GRIK2: variants seen among roughly 807,000 people sequenced by gnomAD.
GRIK2 encodes glutamate receptor ionotropic, kainate 2.
GRIK2 carries 32 observed loss-of-function variants against 100.3 expected under a neutral mutation model. The observed-to-expected ratio is 0.32, with a 90% CI of 0.24 to 0.43. The LOEUF (loss-of-function observed/expected upper bound fraction) is 0.43, where lower values mean the gene tolerates loss of function less well. Ranked by LOEUF, GRIK2 falls within the 20% of genes least tolerant of loss-of-function variation. GRIK2 has a pLI of 1.00. For synonymous variants in GRIK2, 417 were observed against 389.4 expected (o/e 1.07, Z -0.83); for missense variants, 843 against 1,114.9 (o/e 0.76, Z 3.47).
At chr6:101,826,242 G>A (rs1297832323) in intron 10 of GRIK2, among the ~76,000 whole-genome samples, 3 of 152,048 alleles carry the variant, frequency 2.0e-5, no homozygotes, top group Non-Finnish European at 4.4e-5. Flanking sequence ...TACTGAATGG[G>A]TGATTATTTT....
At chr6:101,951,263 A>G (rs1048450764) in intron 14 of GRIK2, among the ~76,000 whole-genome samples, 5 of 152,150 alleles carry the variant, frequency 3.3e-5, no homozygotes, top group Non-Finnish European at 7.4e-5. Flanking sequence ...TGTATTTTCT[A>G]TTTTCTTTAA....
intron 2 of GRIK2, among the ~76,000 whole-genome samples, chr6:101,533,788 A>C (rs1021984086): frequency 6.6e-6 from 1 of 152,022 alleles, no homozygotes; most frequent in African/African-American, 2.4e-5. Flanking sequence ...CCATTGAACC[A>C]CTTATTTTCA....
intron 9 of GRIK2, among the ~76,000 whole-genome samples, chr6:101,815,164 G>A (rs1443848754): frequency 6.6e-6 from 1 of 152,036 alleles, no homozygotes; most frequent in East Asian, 1.9e-4. Flanking sequence ...AACTGTGCAA[G>A]GAATGTGTGT....
At chr6:101,963,290 T>C (rs1417157304) in intron 14 of GRIK2, among the ~76,000 whole-genome samples, 1 of 60,002 alleles carries the variant, frequency 1.7e-5, no homozygotes, top group Non-Finnish European at 3.4e-5. Context: ...TTTTTTTTTT[T>C]TTTTTTTTTT....
intron 2 of GRIK2, among the ~76,000 whole-genome samples, chr6:101,608,823 A>ATGTG (rs750756976): frequency 9.2e-6 from 1 of 109,276 alleles, no homozygotes; most frequent in Non-Finnish European, 2.1e-5. Flanking sequence ...GTATGTATGT[A>ATGTG]TGTGTGTGTG....
At chr6:101,629,802 C>T (rs1406583081) in intron 4 of GRIK2, among the ~76,000 whole-genome samples, 1 of 151,994 alleles carries the variant, frequency 6.6e-6, no homozygotes, top group Admixed American at 6.6e-5. Flanking sequence ...TTGGGTACAA[C>T]TGAACCAATC....
intron 2 of GRIK2, among the ~76,000 whole-genome samples, chr6:101,619,122 T>C (rs1280753958): frequency 6.6e-6 from 1 of 151,000 alleles, no homozygotes; most frequent in Non-Finnish European, 1.5e-5. Flanking sequence ...AACACCAATC[T>C]AACTTTATTT....
At chr6:101,559,933 G>A (rs1776922402) in intron 2 of GRIK2, among the ~76,000 whole-genome samples, 1 of 152,106 alleles carries the variant, frequency 6.6e-6, no homozygotes, top group Admixed American at 6.6e-5. Context: ...AGATCCTATA[G>A]CAGAGTCAGC....
intron 11 of GRIK2, among the ~76,000 whole-genome samples, chr6:101,887,859 G>A (rs1417180): frequency 0.77 from 117,753 of 152,028 alleles, 45,876 homozygotes; most frequent in East Asian, 0.92. Context: ...ATCACCTCCC[G>A]CCAAGCCCGA....
intron 2 of GRIK2, among the ~76,000 whole-genome samples, chr6:101,403,043 G>A (rs1458127722): frequency 2.0e-5 from 3 of 152,198 alleles, no homozygotes; most frequent in Non-Finnish European, 4.4e-5. Flanking sequence ...GAAGTGCGAG[G>A]GAGCTCAGAA....
intron 7 of GRIK2, among the ~76,000 whole-genome samples, chr6:101,792,102 T>C (rs1295898914): frequency 3.9e-5 from 6 of 151,952 alleles, no homozygotes; most frequent in African/African-American, 9.7e-5. Context: ...TATGTGTGTC[T>C]CTGCACGTGA....
intron 2 of GRIK2, among the ~76,000 whole-genome samples, chr6:101,401,089 C>A (rs1050106368): frequency 6.6e-6 from 1 of 152,080 alleles, no homozygotes; most frequent in African/African-American, 2.4e-5. Flanking sequence ...CCCAATATTT[C>A]GAGTATTTCA....
intron 14 of GRIK2, among the ~76,000 whole-genome samples, chr6:101,974,296 T>C (rs1339989780): frequency 1.3e-5 from 2 of 151,960 alleles, no homozygotes; most frequent in South Asian, 4.1e-4. Context: ...TGCCAGAAAA[T>C]GTGCAAGATT....
At chr6:101,401,062 T>A (rs1775279785) in intron 2 of GRIK2, among the ~76,000 whole-genome samples, 1 of 152,230 alleles carries the variant, frequency 6.6e-6, no homozygotes, top group South Asian at 2.1e-4. Flanking sequence ...TGGTAAGTGC[T>A]ACAGTATGGT....
At chr6:101,876,601 A>T (rs1386692505) in intron 11 of GRIK2, among the ~76,000 whole-genome samples, 1 of 151,828 alleles carries the variant, frequency 6.6e-6, no homozygotes, top group Non-Finnish European at 1.5e-5. Context: ...GAAGCTTAGC[A>T]AAGTTCAAAG....
Position 101,803,052 on chromosome 6 carries a change from G to C in GRIK2, c.1203+614G>C, listed in dbSNP as rs148771984. Among the ~76,000 whole-genome samples, 23 of 151,804 alleles carry C rather than the reference G, an allele frequency of 1.5e-4. 1 individual carries two copies. In the East Asian group the frequency reaches 3.9e-3, roughly 26 times the overall value. The stretch of plus-strand genomic sequence containing the variant: ...CTTAAATACATAATGTATGTATTTA[G>C]ATATTTTTCTGATAGATTCATTGAT... On this transcript the variant is annotated intron_variant, in intron 9 of 16. Coordinates refer to ENST00000369134, the MANE Select transcript of GRIK2 (RefSeq NM_021956.5).
At chr6:101,996,088 T>G (rs1794637724) in intron 14 of GRIK2, among the ~76,000 whole-genome samples, 1 of 152,058 alleles carries the variant, frequency 6.6e-6, no homozygotes. Context: ...TCAAGTGTTA[T>G]TGAAGATTCT....
chr6:101,791,092 C>T (rs911868203), intron 7 of GRIK2, among the ~76,000 whole-genome samples: 4 of 152,010 alleles, frequency 2.6e-5, no homozygotes, highest in African/African-American at 9.7e-5. Context: ...TTTGATTCTT[C>T]TCTCTTTTTT....
chr6:101,801,459 G>A (rs931680026), intron 8 of GRIK2, among the ~76,000 whole-genome samples: 1 of 151,870 alleles, frequency 6.6e-6, no homozygotes, highest in Non-Finnish European at 1.5e-5. Flanking sequence ...AATATCATAT[G>A]GAGCCTCAGA....
Sources: allele counts gnomAD v4.1 joint callset (sites outside exome capture counted in the v4.1 genomes callset), GRCh38; gene constraint gnomAD v4.1.1; transcripts MANE v1.5; gene names NCBI Gene and HGNC (gene_info 2026-07-23, HGNC 2026-07-21).